The following XKR5 variants were observed in gnomAD, a reference collection of about 807,000 sequenced individuals.
XKR5 encodes the protein XK related 5.
Under a neutral mutation model 40.8 loss-of-function variants are expected in XKR5, and 46 were observed. The observed-to-expected ratio is 1.13, with a 90% CI of 0.89 to 1.44. The LOEUF (loss-of-function observed/expected upper bound fraction) is 1.44. Ranked by LOEUF, XKR5 falls within the 40% of genes most tolerant of loss-of-function variation. XKR5 has a pLI of 0.00. For missense variants in XKR5, 1,169 were observed against 844.7 expected (o/e 1.38, Z -4.76); for synonymous variants, 466 against 356.1 (o/e 1.31, Z -3.48).
intron 2 of XKR5, among the ~76,000 whole-genome samples, chr8:6,827,451 A>C (rs1305734025): frequency 6.6e-6 from 1 of 152,222 alleles, no homozygotes; most frequent in Non-Finnish European, 1.5e-5. Flanking sequence ...TTCTATGTCC[A>C]GAGCAGAAGA....
At chr8:6,832,196 G>A (rs1484309312) in intron 2 of XKR5, among the ~76,000 whole-genome samples, 2 of 152,056 alleles carry the variant, frequency 1.3e-5, no homozygotes, top group Admixed American at 6.6e-5. Context: ...TATGGATCAC[G>A]GATAAGCCCA....
intron 5 of XKR5, among the ~76,000 whole-genome samples, chr8:6,821,477 G>C (rs574437899): frequency 2.6e-5 from 4 of 152,308 alleles, no homozygotes; most frequent in African/African-American, 9.6e-5. Flanking sequence ...TTGTGTTTCT[G>C]ATACTCTCTA....
rs148647547 is a variant in XKR5 at position 6,825,877 on chromosome 8, G to C, written c.243-528C>G. 3.6e-3 allele frequency among the ~76,000 whole-genome samples: 543 copies of C among 152,306 alleles called. 3 individuals are homozygous for C. Among genetic ancestry groups the C allele is most frequent in the Admixed American group, 9.5e-3 (146 of 15,300 alleles). ...GCAGACAGGGAAGAAGGATCTGGAG[G>C]CTTTGCTGGGGAGTGGCCAGAGGTC... On this transcript the variant is annotated intron_variant, in intron 2 of 6. Coordinates refer to ENST00000618742, the MANE Select transcript of XKR5 (RefSeq NM_207411.5).
chr8:6,820,220 C>T (rs959214994), intron 5 of XKR5, among the ~76,000 whole-genome samples: 1 of 152,242 alleles, frequency 6.6e-6, no homozygotes, highest in African/African-American at 2.4e-5. Flanking sequence ...TAGGACTGCC[C>T]GGCCTGGATG....
rs778044462 is a variant in XKR5, at chr8:6,825,244, C to T, written c.348G>A (p.Glu116=). The T allele has an allele frequency of 1.2e-6, 2 of 1,612,774 alleles. No homozygotes were observed. The highest frequency in any genetic ancestry group is 1.1e-5 in the South Asian group (1 of 90,890). The change falls in exon 3 of 7, where the codon GAG becomes GAA. Residue 116 remains glutamate, a synonymous_variant. Coordinates refer to ENST00000618742, the MANE Select transcript of XKR5 (RefSeq NM_207411.5). The part of the protein sequence containing the change: ...EADLSALRLL[E]ALLQTGPHLL... ...GGTGGGGCCCAGTCTGCAGCAGGGC[C>T]TCCAAGAGTCGAAGGGCCGACAGGT...
chr8:6,821,019 T>C (rs1481005934), intron 5 of XKR5, among the ~76,000 whole-genome samples: 3 of 152,252 alleles, frequency 2.0e-5, no homozygotes, highest in Admixed American at 2.0e-4. Context: ...CTGAAGAGTA[T>C]GTAGATCTTA....
intron 2 of XKR5, among the ~76,000 whole-genome samples, chr8:6,826,359 G>T (rs28578619): frequency 0.41 from 62,963 of 151,856 alleles, 13,827 homozygotes; most frequent in East Asian, 0.61. Context: ...ATGTAGTGTG[G>T]GTGTATGAAC....
intron 5 of XKR5, among the ~76,000 whole-genome samples, chr8:6,819,548 C>T (rs1201423805): frequency 6.6e-6 from 1 of 152,204 alleles, no homozygotes; most frequent in Non-Finnish European, 1.5e-5. Context: ...CTCTGAATGG[C>T]CCGTGCCACG....
rs373146413 is a variant in XKR5 at position 6,811,532 on chromosome 8, C to T, written c.1727G>A (p.Ser576Asn). 3.9e-6 allele frequency: 6 copies of T among 1,533,712 alleles called. No homozygotes were observed. Among genetic ancestry groups the T allele is most frequent in the Non-Finnish European group, 5.2e-6 (6 of 1,144,972 alleles). Reference sequence around the variant, plus strand: ...GTGGGGCGATGCAGGCTGGGCAGGGCTGCTCTTTCCCAGCCTCCTTCCAGA... The same window carrying T: ...GTGGGGCGATGCAGGCTGGGCAGGGTTGCTCTTTCCCAGCCTCCTTCCAGA... ...AHSGRRLGKS[S>N]PAQPASPHPV... The change falls in exon 7 of 7, where the codon AGC becomes AAC. Residue 576 changes from serine to asparagine, a missense_variant. By Grantham distance (46) the Ser-to-Asn change is conservative. Coordinates refer to ENST00000618742, the MANE Select transcript of XKR5 (RefSeq NM_207411.5).
intron 2 of XKR5, among the ~76,000 whole-genome samples, chr8:6,829,541 A>G (rs188476334): frequency 1.6e-3 from 249 of 152,262 alleles, no homozygotes; most frequent in African/African-American, 5.7e-3. Context: ...TTTGAGATTG[A>G]GTCTCATTCT....
At position 6,812,077 on chromosome 8, in the gene XKR5, A is replaced by T. The variant is rs540959394; in HGVS notation, c.1182T>A (p.Ala394=). ...GATGACTGAGGAAAGAGTCCTCCACAGCAACCTGGGTCCCCAGCCCAGCCT... is the reference window on the plus strand; with the variant it reads ...GATGACTGAGGAAAGAGTCCTCCACTGCAACCTGGGTCCCCAGCCCAGCCT... ...PPEAGLGTQV[A]VEDSFLSHHH... Residue 394 remains alanine (A), a synonymous_variant, in exon 7 of 7, where the codon GCT becomes GCA. Transcript: ENST00000618742. The T allele has an allele frequency of 4.5e-6, 7 of 1,541,832 alleles. No homozygotes were observed. In the East Asian group the frequency reaches 1.5e-4, roughly 32 times the overall value.
rs28432964 is a variant in XKR5, at chr8:6,812,110, G to A, written c.1149C>T (p.Val383=). ...ILGKPPTPEQ[V]PPEAGLGTQV... ...GGGTCCCCAGCCCAGCCTCTGGGGG[G>A]ACCTGCTCAGGGGTAGGGGGCTTCC... is the stretch of plus-strand genomic sequence containing the variant. The change falls in exon 7 of 7, where the codon GTC becomes GTT. Residue 383 remains valine (V), a synonymous_variant. Transcript: ENST00000618742. 1.4e-3 allele frequency: 2,242 copies of A among 1,546,518 alleles called. 5 individuals are homozygous for A. Among genetic ancestry groups the A allele is most frequent in the African/African-American group, 9.1e-3 (665 of 73,158 alleles).
At position 6,811,744 on chromosome 8, in the gene XKR5, G is replaced by C; in HGVS notation, c.1515C>G (p.Ala505=). 1 of 1,537,580 alleles carries C rather than the reference G, an allele frequency of 6.5e-7. No homozygotes were observed. The highest frequency in any genetic ancestry group is 8.7e-7 in the Non-Finnish European group (1 of 1,146,984). The change falls in exon 7 of 7, where the codon GCC becomes GCG. Residue 505 remains alanine, a synonymous_variant. Transcript: ENST00000618742. ...QDEAPTQNPA[A]TQGEGTPKEG... ...CCTTTGGGGTGCCCTCCCCCTGCGT[G>C]GCTGCTGGGTTCTGGGTAGGTGCTT...
intron 2 of XKR5, among the ~76,000 whole-genome samples, chr8:6,829,638 C>T (rs1380434053): frequency 6.6e-6 from 1 of 152,140 alleles, no homozygotes; most frequent in African/African-American, 2.4e-5. Context: ...GCTTCAGTCT[C>T]CTGAGTAGGT....
chr8:6,818,878 G>A (rs567952562), intron 5 of XKR5, among the ~76,000 whole-genome samples: 11 of 152,258 alleles, frequency 7.2e-5, no homozygotes, highest in South Asian at 4.1e-4. Context: ...AAGGCCCTAC[G>A]AAAAAGTATA....
At chr8:6,818,713 C>G (rs745325626) in intron 5 of XKR5, among the ~76,000 whole-genome samples, 6 of 152,142 alleles carry the variant, frequency 3.9e-5, no homozygotes, top group Non-Finnish European at 8.8e-5. Flanking sequence ...TGAGGGGGAG[C>G]CTGGGAATCG....
chr8:6,829,871 T>G (rs1804679446), intron 2 of XKR5, among the ~76,000 whole-genome samples: 1 of 129,274 alleles, frequency 7.7e-6, no homozygotes, highest in South Asian at 2.7e-4. Flanking sequence ...GGAGTCTCGC[T>G]CTGTCACCCA....
intron 5 of XKR5, among the ~76,000 whole-genome samples, chr8:6,818,205 A>G (rs1438068052): frequency 1.3e-5 from 2 of 152,170 alleles, no homozygotes; most frequent in Admixed American, 1.3e-4. Context: ...CAGACACTCC[A>G]GGGTCTTTCC....
Position 6,811,616 on chromosome 8 carries a change from G to A in XKR5, c.1643C>T (p.Ala548Val). The A allele has an allele frequency of 1.3e-6, 2 of 1,537,452 alleles. No individual in the cohort carries two copies. Among genetic ancestry groups the A allele is most frequent in the Non-Finnish European group, 1.7e-6 (2 of 1,146,956 alleles). ...QSSTLYFSAT[A>V]EVATSSQQEG... Reference sequence around the variant, plus strand: ...TTGTTGTGAGGATGTGGCCACTTCTGCAGTGGCGCTGAAGTACAACGTGGA... The same window carrying A: ...TTGTTGTGAGGATGTGGCCACTTCTACAGTGGCGCTGAAGTACAACGTGGA... Residue 548 changes from alanine (A) to valine (V), a missense_variant, in exon 7 of 7, where the codon GCA becomes GTA. Ala to Val is a moderately conservative substitution (Grantham distance 64). Coordinates refer to ENST00000618742, the MANE Select transcript of XKR5 (RefSeq NM_207411.5).
Sources: allele counts gnomAD v4.1 joint callset (sites outside exome capture counted in the v4.1 genomes callset), GRCh38; gene constraint gnomAD v4.1.1; transcripts MANE v1.5; gene names NCBI Gene and HGNC (gene_info 2026-07-23, HGNC 2026-07-21).